ITPK1: variants seen among roughly 807,000 people sequenced by gnomAD.
The protein encoded by ITPK1 is inositol-tetrakisphosphate 1-kinase.
In ITPK1, 21 loss-of-function variants were observed where a neutral mutation model predicts 45.3. The ratio of observed to expected loss-of-function variants is 0.46; its 90% CI spans 0.33 to 0.67. ITPK1 has a LOEUF of 0.67. Among genes scored for constraint, ITPK1 ranks in the 30% least tolerant of loss-of-function variants. The pLI is 0.02. For missense variants in ITPK1, 474 were observed against 573.5 expected (o/e 0.83, Z 1.77); for synonymous variants, 258 against 253.6 (o/e 1.02, Z -0.16).
chr14:92,973,402 C>T (rs1016671513), intron 5 of ITPK1, among the ~76,000 whole-genome samples: 3 of 152,324 alleles, frequency 2.0e-5, no homozygotes, highest in Non-Finnish European at 2.9e-5. Context: ...TGCAATCTCC[C>T]GCCTGGCCAC....
At chr14:92,979,059 G>C (rs1886089516) in intron 5 of ITPK1, among the ~76,000 whole-genome samples, 1 of 152,206 alleles carries the variant, frequency 6.6e-6, no homozygotes, top group South Asian at 2.1e-4. Flanking sequence ...AGCTGCCCAA[G>C]TCTTGTGAGC....
intron 4 of ITPK1, among the ~76,000 whole-genome samples, chr14:92,999,153 C>T (rs1379675342): frequency 1.3e-5 from 2 of 152,240 alleles, no homozygotes; most frequent in East Asian, 1.9e-4. Context: ...TGAGGAGAGC[C>T]TGTGCGTGAC....
intron 5 of ITPK1, among the ~76,000 whole-genome samples, chr14:92,980,303 C>T (rs953302409): frequency 6.6e-6 from 1 of 152,166 alleles, no homozygotes; most frequent in Non-Finnish European, 1.5e-5. Flanking sequence ...AGCCAGAGCC[C>T]CTGAGGCAGC....
intron 3 of ITPK1, among the ~76,000 whole-genome samples, chr14:93,048,225 A>G (rs1189480989): frequency 6.6e-6 from 1 of 152,242 alleles, no homozygotes; most frequent in Non-Finnish European, 1.5e-5. Context: ...TGGTAGTAAC[A>G]CTCAAAGCAC....
In ITPK1 at chr14:92,946,245, G is replaced by A. The variant is rs1887680421; in HGVS notation, c.901+86C>T. ...GGTGAGGGAGAAAGCTGGCTTTCTGGCCTCAGTCACCCCGCCTCACCTGCC... is the reference window on the plus strand; with the variant it reads ...GGTGAGGGAGAAAGCTGGCTTTCTGACCTCAGTCACCCCGCCTCACCTGCC... On this transcript the variant is annotated intron_variant, in intron 10 of 10. Coordinates refer to ENST00000267615, the MANE Select transcript of ITPK1 (RefSeq NM_014216.6). 4.0e-6 allele frequency: 6 copies of A among 1,486,116 alleles called. No homozygotes were observed. The South Asian group carries it at 5.8e-5, about 14-fold the overall frequency. The allele number at this position is 1,486,116 out of a possible 1,614,324, so 92.1% of individuals were successfully genotyped here.
At chr14:93,088,545 G>A (rs1891744039) in intron 2 of ITPK1, among the ~76,000 whole-genome samples, 4 of 152,016 alleles carry the variant, frequency 2.6e-5, no homozygotes, top group South Asian at 2.1e-4. Context: ...TAGGAGAGAC[G>A]GGGTTTTGCC....
intron 2 of ITPK1, among the ~76,000 whole-genome samples, chr14:93,089,799 A>G (rs1484272088): frequency 1.3e-5 from 2 of 152,166 alleles, no homozygotes; most frequent in African/African-American, 4.8e-5. Context: ...CAGGCTCTGC[A>G]GCTGGGAGCC....
intron 2 of ITPK1, among the ~76,000 whole-genome samples, chr14:93,090,615 G>A (rs28552716): frequency 0.068 from 10,302 of 152,152 alleles, 1,153 homozygotes; most frequent in African/African-American, 0.23. Context: ...GGTGGGCAAC[G>A]GGGGCTTTTC....
intron 5 of ITPK1, among the ~76,000 whole-genome samples, chr14:92,973,685 T>C (rs767668411): frequency 2.1e-4 from 32 of 152,104 alleles, no homozygotes; most frequent in Non-Finnish European, 3.5e-4. Flanking sequence ...TGGCCAGCGA[T>C]GACGATGGCA....
chr14:93,052,354 T>A (rs1890050234), intron 3 of ITPK1, among the ~76,000 whole-genome samples: 1 of 152,188 alleles, frequency 6.6e-6, no homozygotes, highest in Non-Finnish European at 1.5e-5. Flanking sequence ...CAGACTTAGT[T>A]TCCACTAAAG....
Position 93,076,876 on chromosome 14 carries a change from T to G in ITPK1, c.96-257A>C, listed in dbSNP as rs1891242424. 6.6e-6 allele frequency among the ~76,000 whole-genome samples: 1 copy of G among 151,766 alleles called. No individual in the cohort carries two copies. The highest frequency in any genetic ancestry group is 1.5e-5 in the Non-Finnish European group (1 of 67,934). ...CTCTGGAGGCCCCACGCCAGCCACC[T>G]CCCTCCACTCCTGGGCCGGGCCTCT... is the stretch of plus-strand genomic sequence containing the variant. On this transcript the variant is annotated intron_variant, in intron 2 of 10. Coordinates refer to ENST00000267615, the MANE Select transcript of ITPK1 (RefSeq NM_014216.6). The surrounding 1 kb of genome is among the most constrained non-coding windows in gnomAD (Gnocchi z 4.3).
rs1436834647 is a variant in ITPK1 at position 93,036,669 on chromosome 14, C to A, written c.121-19868G>T. On this transcript the variant is annotated intron_variant, in intron 3 of 10. Transcript: ENST00000267615. This position sits in a 1 kb window ranked among gnomAD's most constrained non-coding sequence, Gnocchi z 4.1. ...TGAGGGCTCTCCCCCAGGAACACTG[C>A]CCCTATTCTCTGGGCTCTGGGATCG... 6.6e-6 allele frequency among the ~76,000 whole-genome samples: 1 copy of A among 152,128 alleles called. No individual in the cohort carries two copies. The highest frequency in any genetic ancestry group is 1.5e-5 in the Non-Finnish European group (1 of 68,024).
intron 2 of ITPK1, among the ~76,000 whole-genome samples, 200 bp downstream of exon 2, chr14:93,114,869 C>T (rs1392175014): frequency 1.3e-5 from 2 of 152,182 alleles, no homozygotes; most frequent in Non-Finnish European, 2.9e-5. Context: ...ACCTCGCCCG[C>T]ACCGGCCACC....
In ITPK1 at chr14:92,940,158, GC is replaced by G. The variant is rs1566680309; in HGVS notation, c.*1402del. ...AGGACCTCCATGCACTGGCTCGGGG[GC>G]CTCTCTCGGGACACTCAGCACTTTC... On this transcript the variant is annotated 3_prime_UTR_variant, in exon 11 of 11. Transcript: ENST00000267615. The G allele has an allele frequency of 2.0e-6, 2 of 985,602 alleles. No homozygotes were observed. The highest frequency in any genetic ancestry group is 2.3e-4 in the East Asian group (2 of 8,822). The allele number at this position is 985,602 out of a possible 1,614,324, so 61.1% of individuals were successfully genotyped here.
In ITPK1 at chr14:92,940,680, C is replaced by T. The variant is rs1887320003; in HGVS notation, c.*881G>A. The T allele has an allele frequency of 7.8e-7, 1 of 1,281,324 alleles. No individual in the cohort carries two copies. Among genetic ancestry groups the T allele is most frequent in the Non-Finnish European group, 1.0e-6 (1 of 985,014 alleles). 79.4% of individuals were successfully genotyped at this position (1,281,324 alleles called of 1,614,324 possible). The stretch of plus-strand genomic sequence containing the variant: ...CAGGGGTTAGGGCACAAAGCCAGCC[C>T]TGTGGTGCTCTCTGATCTCAAATGT... On this transcript the variant is annotated 3_prime_UTR_variant, in exon 11 of 11. Coordinates refer to ENST00000267615, the MANE Select transcript of ITPK1 (RefSeq NM_014216.6).
chr14:93,046,468 A>C (rs1405726842), intron 3 of ITPK1, among the ~76,000 whole-genome samples: 2 of 152,180 alleles, frequency 1.3e-5, no homozygotes, highest in South Asian at 2.1e-4. Flanking sequence ...AAAGGAGATA[A>C]GACATACACA....
intron 5 of ITPK1, among the ~76,000 whole-genome samples, chr14:92,984,003 T>A (rs866651543): frequency 1.3e-5 from 2 of 152,330 alleles, no homozygotes; most frequent in Middle Eastern, 6.8e-3. Context: ...GACAAAGAGC[T>A]GTATCAGGAC....
chr14:92,974,828 C>A (rs1217319283), intron 5 of ITPK1, among the ~76,000 whole-genome samples: 1 of 152,234 alleles, frequency 6.6e-6, no homozygotes, highest in East Asian at 1.9e-4. Flanking sequence ...GGACTGGGTG[C>A]TGCCCAGCCG....
At chr14:92,982,557 G>T (rs1886286505) in intron 5 of ITPK1, among the ~76,000 whole-genome samples, 2 of 152,116 alleles carry the variant, frequency 1.3e-5, no homozygotes. Flanking sequence ...GTTTCCTCAG[G>T]GCCTCCAGAA....
Sources: gnomAD v4.1 joint callset for allele counts (sites outside exome capture counted in the v4.1 genomes callset) on GRCh38, gnomAD v4.1.1 for gene constraint, Gnocchi (gnomAD v3.1) non-coding constraint, MANE v1.5 for transcripts, NCBI Gene and HGNC (gene_info 2026-07-23, HGNC 2026-07-21) for gene names.